The following TNRC6C variants were observed in gnomAD, a reference collection of about 807,000 sequenced individuals.
TNRC6C encodes trinucleotide repeat-containing gene 6C protein.
Under a neutral mutation model 153.7 loss-of-function variants are expected in TNRC6C, and 20 were observed. The ratio of observed to expected loss-of-function variants is 0.13; its 90% CI spans 0.09 to 0.19. The LOEUF (loss-of-function observed/expected upper bound fraction) is 0.19. TNRC6C is among the 10% of genes least tolerant of loss of function. The probability of loss-of-function intolerance (pLI) is 1.00; values close to 1 mark genes in which losing one functional copy is unlikely to be tolerated. For missense variants in TNRC6C, 1,987 were observed against 2,172.0 expected, an observed-to-expected ratio of 0.91 and a Z score of 1.69; for synonymous variants, 811 against 841.4, an observed-to-expected ratio of 0.96 and a Z score of 0.63.
At chr17:78,012,321 C>T (rs1426451293) in intron 1 of TNRC6C, among the ~76,000 whole-genome samples, 1 of 152,010 alleles carries the variant, frequency 6.6e-6, no homozygotes, top group Admixed American at 6.6e-5. Context: ...AAGGAAACTA[C>T]AGACACTGGG....
intron 1 of TNRC6C, among the ~76,000 whole-genome samples, chr17:78,012,509 AAAAGTT>A (rs2071653615): frequency 6.6e-6 from 1 of 152,234 alleles, no homozygotes; most frequent in Admixed American, 6.5e-5. Context: ...GCTTTTTTAA[AAAAGTT>A]CCCTGTTCTC....
Position 78,087,099 on chromosome 17 carries a change from T to C in TNRC6C, c.3802+6T>C, listed in dbSNP as rs764546730. 5 of 1,611,806 alleles carry C rather than the reference T, an allele frequency of 3.1e-6. No homozygotes were observed. In the African/African-American group the frequency reaches 6.7e-5, roughly 22 times the overall value. ...CTTTGCTCCTTACCCTCTCGGTGAGTGTCCCATGGTCTTCAACAGCCACAT... is the reference window on the plus strand; with the variant it reads ...CTTTGCTCCTTACCCTCTCGGTGAGCGTCCCATGGTCTTCAACAGCCACAT... On this transcript the variant is annotated splice_donor_region_variant and intron_variant, in intron 13 of 19. Transcript: ENST00000301624.
At chr17:78,020,821 A>G (rs1158526293) in intron 1 of TNRC6C, among the ~76,000 whole-genome samples, 2 of 152,180 alleles carry the variant, frequency 1.3e-5, no homozygotes, top group Admixed American at 6.5e-5. Flanking sequence ...GTACATCTCA[A>G]TTTAGACCTC....
At chr17:78,004,745 C>T (rs1292745607), upstream of TNRC6C, among the ~76,000 whole-genome samples, 1 of 151,946 alleles carries the variant, frequency 6.6e-6, no homozygotes, top group African/African-American at 2.4e-5. Context: ...CAAGTTATGC[C>T]ATTTGTCTTT....
chr17:78,053,241 T>C (rs1361031509), intron 3 of TNRC6C, among the ~76,000 whole-genome samples: 1 of 152,218 alleles, frequency 6.6e-6, no homozygotes, highest in Non-Finnish European at 1.5e-5. Context: ...TCCAATTGTT[T>C]ACTAATATAT....
chr17:77,963,268 T>C (rs2070874758), intron 1 of TNRC6C, among the ~76,000 whole-genome samples: 1 of 152,152 alleles, frequency 6.6e-6, no homozygotes, highest in Non-Finnish European at 1.5e-5. Flanking sequence ...AACTGAGAAA[T>C]GTATAATCTT....
chr17:78,051,006 G>A, exon 3 of TNRC6C: 1 of 1,613,832 alleles, frequency 6.2e-7, no homozygotes, highest in Non-Finnish European at 8.5e-7. Context: ...CAAATACAAA[G>A]GCCAATCCAG....
chr17:77,962,034 G>T (rs1463425061), intron 1 of TNRC6C, among the ~76,000 whole-genome samples: 1 of 152,148 alleles, frequency 6.6e-6, no homozygotes, highest in Non-Finnish European at 1.5e-5. Flanking sequence ...CACAGTTCCT[G>T]CAGTGCTGGC....
At chr17:77,958,966 G>A (rs1421592521), upstream of TNRC6C, among the ~76,000 whole-genome samples, 1 of 145,866 alleles carries the variant, frequency 6.9e-6, no homozygotes, top group Non-Finnish European at 1.5e-5. Context: ...CGCCGCCGCC[G>A]CCTAGGACCC....
At chr17:78,001,267 G>T (rs891941666), upstream of TNRC6C, among the ~76,000 whole-genome samples, 1 of 152,314 alleles carries the variant, frequency 6.6e-6, no homozygotes, top group Non-Finnish European at 1.5e-5. Flanking sequence ...ACCATATGAG[G>T]TATAGGTAAT....
Position 78,049,495 on chromosome 17 carries a change from A to G in TNRC6C, c.433A>G (p.Thr145Ala), listed in dbSNP as rs547289890. The G allele has an allele frequency of 1.2e-6, 2 of 1,613,956 alleles. No individual in the cohort carries two copies. The highest frequency in any genetic ancestry group is 1.7e-6 in the Non-Finnish European group (2 of 1,179,906). The change falls in exon 3 of 20, where the codon ACA (threonine) becomes GCA (alanine). Residue 145 changes from threonine to alanine, a missense_variant. Physicochemically the swap from Thr to Ala is moderately conservative, Grantham distance 58 (BLOSUM62 0). Around this residue, in one of 4 missense-constraint regions of TNRC6C, gnomAD observed 1,052 missense variants for 1,017.0 expected, o/e 1.03. Transcript: ENST00000301624. The surrounding 1 kb of genome is among the most constrained non-coding windows in gnomAD (Gnocchi z 4.1). ...TATGGGCAACCAGAACGGGAACCCA[A>G]CAGGCACTTTAGGTGCTTGGGGAAA...
intron 10 of TNRC6C, among the ~76,000 whole-genome samples, chr17:78,081,367 A>G (rs754936950): frequency 1.3e-5 from 2 of 152,058 alleles, no homozygotes; most frequent in Non-Finnish European, 2.9e-5. Flanking sequence ...ATTGAGGGTA[A>G]TTCTCGCTCT....
intron 3 of TNRC6C, among the ~76,000 whole-genome samples, chr17:78,064,379 C>T (rs1404404670): frequency 6.6e-6 from 1 of 152,220 alleles, no homozygotes; most frequent in East Asian, 1.9e-4. Context: ...GCATGAGCCA[C>T]CGCATCTGAC....
At chr17:78,084,051 A>G (rs1232565839) in intron 11 of TNRC6C, among the ~76,000 whole-genome samples, 2 of 152,178 alleles carry the variant, frequency 1.3e-5, no homozygotes, top group Admixed American at 6.5e-5. Flanking sequence ...TGGGAGGCCC[A>G]GGCGGGTGGA....
At chr17:78,020,033 A>G (rs2071802557) in intron 1 of TNRC6C, among the ~76,000 whole-genome samples, 1 of 152,252 alleles carries the variant, frequency 6.6e-6, no homozygotes. Context: ...TCAGATTATT[A>G]AGTGGCTGCT....
exon 2 of TNRC6C, chr17:78,031,684 G>A (rs2072077506): frequency 8.1e-7 from 1 of 1,232,274 alleles, no homozygotes; most frequent in Non-Finnish European, 1.0e-6. Context: ...CCACGCTTCC[G>A]CCAGCAAGAA....
intron 1 of TNRC6C, among the ~76,000 whole-genome samples, chr17:77,995,992 G>A (rs1157391291): frequency 5.9e-5 from 9 of 152,178 alleles, no homozygotes; most frequent in Non-Finnish European, 1.0e-4. Flanking sequence ...AGGGTTGCTT[G>A]AGCCCAGGAG....
At chr17:78,017,515 A>G (rs757094412) in intron 1 of TNRC6C, among the ~76,000 whole-genome samples, 1 of 152,350 alleles carries the variant, frequency 6.6e-6, no homozygotes, top group Middle Eastern at 3.4e-3. Flanking sequence ...TGTTGAGCTT[A>G]GGTAACCCAT....
At chr17:78,036,904 A>G (rs2072190367) in intron 2 of TNRC6C, among the ~76,000 whole-genome samples, 3 of 151,872 alleles carry the variant, frequency 2.0e-5, no homozygotes, top group Non-Finnish European at 4.4e-5. Flanking sequence ...AGCCTGGGTG[A>G]CAGAGCAAGA....
Sources: allele counts gnomAD v4.1 joint callset (sites outside exome capture counted in the v4.1 genomes callset), GRCh38; gene constraint gnomAD v4.1.1; regional missense constraint gnomAD v4.1.1; non-coding constraint Gnocchi (gnomAD v3.1); transcripts MANE v1.5; gene names NCBI Gene and HGNC (gene_info 2026-07-23, HGNC 2026-07-21).